Variants in ADGRB3 observed in about 807,000 individuals in gnomAD.
ADGRB3 encodes the protein adhesion G protein-coupled receptor B3.
Under a neutral mutation model 193.4 loss-of-function variants are expected in ADGRB3, and 37 were observed. The observed-to-expected ratio is 0.19, with a 90% CI of 0.15 to 0.25. ADGRB3 has a LOEUF of 0.25. Among genes scored for constraint, ADGRB3 ranks in the 10% least tolerant of loss-of-function variants. ADGRB3 has a pLI of 1.00. For missense variants in ADGRB3, 1,637 were observed against 1,852.9 expected (o/e 0.88, Z 2.14); for synonymous variants, 690 against 644.2 (o/e 1.07, Z -1.08).
intron 3 of ADGRB3, among the ~76,000 whole-genome samples, chr6:68,701,375 T>C (rs1765239877): frequency 6.6e-6 from 1 of 152,132 alleles, no homozygotes; most frequent in Non-Finnish European, 1.5e-5. Context: ...TTTCCAACAG[T>C]AGACATCAAT....
At chr6:69,229,569 A>G (rs899004190) in intron 17 of ADGRB3, among the ~76,000 whole-genome samples, 12 of 152,208 alleles carry the variant, frequency 7.9e-5, no homozygotes, top group African/African-American at 2.7e-4. Context: ...CTGATTTATT[A>G]TGAAGAGAAT....
intron 3 of ADGRB3, among the ~76,000 whole-genome samples, chr6:68,852,370 T>A (rs997820322): frequency 1.3e-5 from 2 of 151,924 alleles, no homozygotes; most frequent in Non-Finnish European, 2.9e-5. Context: ...ATTGAATACA[T>A]TAAGTAACAT....
intron 3 of ADGRB3, among the ~76,000 whole-genome samples, chr6:68,900,264 T>A (rs904285659): frequency 3.9e-5 from 6 of 152,192 alleles, no homozygotes; most frequent in Non-Finnish European, 8.8e-5. Flanking sequence ...ACCATTTATT[T>A]TGATCTGTTA....
At chr6:68,737,352 AT>A in intron 3 of ADGRB3, among the ~76,000 whole-genome samples, 1 of 152,060 alleles carries the variant, frequency 6.6e-6, no homozygotes, top group African/African-American at 2.4e-5. Flanking sequence ...GATGTTGCAC[AT>A]TTTTTCACAT....
At chr6:68,770,725 A>G (rs1766601037) in intron 3 of ADGRB3, among the ~76,000 whole-genome samples, 2 of 152,060 alleles carry the variant, frequency 1.3e-5, no homozygotes, top group Non-Finnish European at 2.9e-5. Context: ...AGGAAACTGA[A>G]ATTCTAGAAA....
chr6:68,899,142 C>T (rs534339578), intron 3 of ADGRB3, among the ~76,000 whole-genome samples: 5 of 152,054 alleles, frequency 3.3e-5, no homozygotes, highest in Admixed American at 6.6e-5. Flanking sequence ...ACTTTTTGTA[C>T]GATTTTCTCA....
intron 13 of ADGRB3, among the ~76,000 whole-genome samples, chr6:69,023,344 G>C (rs778334387): frequency 1.3e-5 from 2 of 152,064 alleles, no homozygotes; most frequent in Non-Finnish European, 2.9e-5. Flanking sequence ...AGGAGATGTT[G>C]TTCTGTATAA....
chr6:69,287,297 T>C lies in ADGRB3; in HGVS notation c.2815-37575T>C, dbSNP rs1280720588. On this transcript the variant is annotated intron_variant, in intron 20 of 31. Transcript: ENST00000370598. ...ATAATAACTACTAAGTGAAAAGTGA[T>C]AGCAAAATCTCTTCAGTCTCCAGAG... 2.0e-5 allele frequency among the ~76,000 whole-genome samples: 3 copies of C among 152,326 alleles called. No individual in the cohort carries two copies. In the East Asian group the frequency reaches 5.8e-4, roughly 29 times the overall value.
intron 15 of ADGRB3, among the ~76,000 whole-genome samples, chr6:69,052,217 T>C (rs943733536): frequency 6.6e-6 from 1 of 152,218 alleles, no homozygotes; most frequent in Non-Finnish European, 1.5e-5. Flanking sequence ...AAATATCGTA[T>C]ATAAGACATC....
intron 17 of ADGRB3, among the ~76,000 whole-genome samples, chr6:69,141,419 G>A (rs1395327151): frequency 3.3e-5 from 5 of 152,162 alleles, no homozygotes; most frequent in Admixed American, 3.3e-4. Context: ...CACTGCGCCC[G>A]GCCGGGGCAG....
chr6:69,281,869 G>A (rs1268621822), intron 20 of ADGRB3, among the ~76,000 whole-genome samples: 1 of 152,142 alleles, frequency 6.6e-6, no homozygotes, highest in Non-Finnish European at 1.5e-5. Context: ...TAACACTGGA[G>A]GGAAAAGTAA....
chr6:69,235,061 T>G lies in ADGRB3; in HGVS notation c.2637T>G (p.Val879=). The part of the protein sequence containing the change: ...IIMESSGTPS[V]TLIVGSGLSC... Reference sequence around the variant, plus strand: ...TGGAATCCTCTGGCACACCTTCAGTTACCCTAATAGTAGGCAGTGGTCTTT... The same window carrying G: ...TGGAATCCTCTGGCACACCTTCAGTGACCCTAATAGTAGGCAGTGGTCTTT... Residue 879 remains valine, a synonymous_variant, in exon 19 of 32, where the codon GTT becomes GTG. Coordinates refer to ENST00000370598, the MANE Select transcript of ADGRB3 (RefSeq NM_001704.3). 1 of 1,613,196 alleles carries G rather than the reference T, an allele frequency of 6.2e-7. No individual in the cohort carries two copies.
intron 3 of ADGRB3, among the ~76,000 whole-genome samples, chr6:68,839,371 G>T (rs979103578): frequency 2.1e-4 from 32 of 152,104 alleles, no homozygotes; most frequent in Admixed American, 2.1e-3. Context: ...TTCTCATATG[G>T]TGACTTCATT....
chr6:68,716,358 C>A lies in ADGRB3; in HGVS notation c.757+76926C>A, dbSNP rs183484600. Among the ~76,000 whole-genome samples, 8 of 151,742 alleles carry A rather than the reference C, an allele frequency of 5.3e-5. No individual in the cohort carries two copies. The East Asian group carries it at 1.6e-3, about 30-fold the overall frequency. On this transcript the variant is annotated intron_variant, in intron 3 of 31. Transcript: ENST00000370598. ...GAAAGATTGAATTGTTATTATCCTG[C>A]CTGATTCTTGCAACTTCTTAGCATG... is the stretch of plus-strand genomic sequence containing the variant.
At chr6:69,310,701 T>C (rs561785476) in intron 20 of ADGRB3, among the ~76,000 whole-genome samples, 6 of 151,812 alleles carry the variant, frequency 4.0e-5, no homozygotes, top group African/African-American at 9.6e-5. Context: ...AAAATGTTCC[T>C]GTGAAATGTT....
chr6:69,006,482 A>G (rs1769755541), intron 11 of ADGRB3, among the ~76,000 whole-genome samples: 1 of 151,916 alleles, frequency 6.6e-6, no homozygotes, highest in Non-Finnish European at 1.5e-5. Context: ...CCTCTGGATT[A>G]ATCTCAGCAG....
At position 68,906,674 on chromosome 6, in the gene ADGRB3, A is replaced by G. The variant is rs549602540; in HGVS notation, c.758-23885A>G. On this transcript the variant is annotated intron_variant, in intron 3 of 31. Transcript: ENST00000370598. The stretch of plus-strand genomic sequence containing the variant: ...TTTTAGACTTTTGCTAATCTGATAG[A>G]TAAAAATAATTATTGCTATTGCAGT... Among the ~76,000 whole-genome samples the G allele has an allele frequency of 2.0e-5, 3 of 152,140 alleles. No individual in the cohort carries two copies. In the East Asian group the frequency reaches 5.8e-4, roughly 29 times the overall value.
chr6:69,297,412 A>T, intron 20 of ADGRB3, among the ~76,000 whole-genome samples: 1 of 116,706 alleles, frequency 8.6e-6, no homozygotes, highest in East Asian at 2.1e-4. Context: ...CTCTCTCTCT[A>T]TATATATATA....
At position 69,361,152 on chromosome 6, in the gene ADGRB3, C is replaced by T; in HGVS notation, c.3879C>T (p.Asp1293=). The T allele has an allele frequency of 1.2e-6, 2 of 1,612,820 alleles. No homozygotes were observed. The highest frequency in any genetic ancestry group is 8.5e-7 in the Non-Finnish European group (1 of 1,179,278). The change falls in exon 29 of 32, where the codon GAC becomes GAT. Residue 1293 remains aspartate, a synonymous_variant. Coordinates refer to ENST00000370598, the MANE Select transcript of ADGRB3 (RefSeq NM_001704.3). ...LCTDDNLRGA[D]MDIVHPQERM... ...CGGATGATAATTTGAGAGGGGCTGACATGGACATAGTCCATCCTCAAGAAA... is the reference window on the plus strand; with the variant it reads ...CGGATGATAATTTGAGAGGGGCTGATATGGACATAGTCCATCCTCAAGAAA...
Sources: gnomAD v4.1 joint callset for allele counts (sites outside exome capture counted in the v4.1 genomes callset) on GRCh38, gnomAD v4.1.1 for gene constraint, MANE v1.5 for transcripts, NCBI Gene and HGNC (gene_info 2026-07-23, HGNC 2026-07-21) for gene names.